The following CAPN9 variants were observed in gnomAD, a reference collection of about 807,000 sequenced individuals.
CAPN9 encodes calpain 9.
CAPN9 carries 81 observed loss-of-function variants against 92.8 expected under a neutral mutation model. That is an observed-to-expected ratio of 0.87 (90% CI 0.73 to 1.05). The LOEUF (loss-of-function observed/expected upper bound fraction) is 1.05, where lower values mean the gene tolerates loss of function less well. Among genes scored for constraint, CAPN9 ranks in the 50% least tolerant of loss-of-function variants. CAPN9 has a pLI of 0.00. For synonymous variants in CAPN9, 304 were observed against 328.0 expected, an observed-to-expected ratio of 0.93 and a Z score of 0.79; for missense variants, 848 against 866.2, an observed-to-expected ratio of 0.98 and a Z score of 0.26.
At chr1:230,782,985 C>T (rs185979456) in intron 11 of CAPN9, among the ~76,000 whole-genome samples, 2 of 152,278 alleles carry the variant, frequency 1.3e-5, no homozygotes, top group African/African-American at 4.8e-5. Context: ...CCATTGCACT[C>T]CAGCCTGTGC....
intron 1 of CAPN9, among the ~76,000 whole-genome samples, chr1:230,748,088 T>C (rs932118089): frequency 8.5e-5 from 13 of 152,188 alleles, no homozygotes; most frequent in Non-Finnish European, 1.6e-4. Context: ...TGCACAGTGT[T>C]CTGTGGCTTC....
intron 12 of CAPN9, among the ~76,000 whole-genome samples, chr1:230,786,740 C>CT (rs1320663269): frequency 6.7e-6 from 1 of 149,586 alleles, no homozygotes; most frequent in Non-Finnish European, 1.5e-5. Flanking sequence ...AAGGCTGCCG[C>CT]TTCTGAAGTG....
intron 19 of CAPN9, 148 bp from the exon 20 acceptor site, chr1:230,801,422 C>G: frequency 1.3e-6 from 1 of 780,234 alleles, no homozygotes. Context: ...TAAATGGTTT[C>G]CTGCTGAGAC....
At chr1:230,757,751 A>T (rs1665344350) in intron 2 of CAPN9, among the ~76,000 whole-genome samples, 1 of 148,972 alleles carries the variant, frequency 6.7e-6, no homozygotes, top group Admixed American at 6.7e-5. Flanking sequence ...ACACACTTGG[A>T]ACAGCATCAA....
rs192605803 is a variant in CAPN9, at chr1:230,798,095, G to A, written c.1988-67G>A. 74 of 1,213,438 alleles carry A rather than the reference G, an allele frequency of 6.1e-5. No homozygotes were observed. The East Asian group carries it at 6.8e-4, about 11-fold the overall frequency. 75.2% of individuals were successfully genotyped at this position (1,213,438 alleles called of 1,614,324 possible). On this transcript the variant is annotated intron_variant, in intron 18 of 19. Transcript: ENST00000271971. Reference sequence around the variant, plus strand: ...GGCTCCACTGGAAGGCCCTTTGGTCGCTGGGAAACAAACTTGGTAAAGGAA... The same window carrying A: ...GGCTCCACTGGAAGGCCCTTTGGTCACTGGGAAACAAACTTGGTAAAGGAA...
intron 18 of CAPN9, among the ~76,000 whole-genome samples, chr1:230,797,732 T>C (rs1402171679): frequency 6.6e-6 from 1 of 152,202 alleles, no homozygotes; most frequent in East Asian, 1.9e-4. Flanking sequence ...CACGCTCTCC[T>C]GTGCCACTCT....
At position 230,801,566 on chromosome 1, in the gene CAPN9, C is replaced by A; in HGVS notation, c.2047-4C>A. ...ACCCCTCATCTCTCTCTCTCTCTTC[C>A]CAGTTCATCCATTTGACAATGAACA... On this transcript the variant is annotated splice_polypyrimidine_tract_variant and splice_region_variant and intron_variant, in intron 19 of 19. Transcript: ENST00000271971. 6.2e-7 allele frequency: 1 copy of A among 1,613,820 alleles called. No homozygotes were observed. Among genetic ancestry groups the A allele is most frequent in the Non-Finnish European group, 8.5e-7 (1 of 1,179,728 alleles).
chr1:230,754,154 G>T (rs1425334217), intron 1 of CAPN9, among the ~76,000 whole-genome samples: 2 of 152,080 alleles, frequency 1.3e-5, no homozygotes, highest in African/African-American at 4.8e-5. Context: ...CGGGGCTTCC[G>T]AGAGCACCGC....
intron 11 of CAPN9, 137 bp from the exon 12 acceptor site, chr1:230,785,844 C>T (rs1201524639): frequency 3.6e-6 from 3 of 821,950 alleles, no homozygotes; most frequent in Non-Finnish European, 6.2e-6. Context: ...TCTGCAAACT[C>T]TGTGAAATGT....
chr1:230,762,997 A>G (rs984066517), intron 4 of CAPN9, among the ~76,000 whole-genome samples: 1 of 152,158 alleles, frequency 6.6e-6, no homozygotes, highest in African/African-American at 2.4e-5. Flanking sequence ...CAGTGGCTAC[A>G]TTCATGACCC....
intron 11 of CAPN9, among the ~76,000 whole-genome samples, chr1:230,785,025 C>A (rs28741100): frequency 6.6e-6 from 1 of 152,206 alleles, no homozygotes; most frequent in Non-Finnish European, 1.5e-5. Context: ...AAGGAGATCA[C>A]TTTGGAGCTT....
chr1:230,752,316 A>C (rs2102829127), intron 1 of CAPN9, among the ~76,000 whole-genome samples: 1 of 152,280 alleles, frequency 6.6e-6, no homozygotes, highest in South Asian at 2.1e-4. Flanking sequence ...GCACGTGTGC[A>C]CACCAATTCC....
intron 18 of CAPN9, 117 bp from the exon 19 acceptor site, chr1:230,798,045 C>A: frequency 1.4e-6 from 1 of 736,426 alleles, no homozygotes; most frequent in Non-Finnish European, 2.4e-6. Context: ...CCTTGTTTAC[C>A]ACCAGATGGA....
Position 230,762,658 on chromosome 1 carries a change from G to A in CAPN9, c.408G>A (p.Trp136Ter). Residue 136 changes from tryptophan (W) to a stop codon, truncating the protein, a stop_gained, in exon 4 of 20, where the codon TGG becomes TGA. Transcript: ENST00000271971. LOFTEE classifies it high-confidence loss of function. ...GYAGIFHFQF[W>*]QHSEWLDVVI... ...GTCTTTTTCCTGGGCAACAGTTCTG[G>A]CAGCACAGTGAGTGGCTGGACGTGG... 1 of 1,613,982 alleles carries A rather than the reference G, an allele frequency of 6.2e-7. No individual in the cohort carries two copies.
intron 2 of CAPN9, among the ~76,000 whole-genome samples, chr1:230,758,385 C>G (rs1326602413): frequency 1.3e-5 from 2 of 152,128 alleles, no homozygotes; most frequent in Admixed American, 1.3e-4. Flanking sequence ...ACAAACGATC[C>G]TGCAGGTTCC....
chr1:230,765,395 AC>A (rs1665922977), intron 4 of CAPN9, among the ~76,000 whole-genome samples: 1 of 152,164 alleles, frequency 6.6e-6, no homozygotes, highest in Non-Finnish European at 1.5e-5. Flanking sequence ...GCAGTGACTC[AC>A]ACCTGTAATC....
chr1:230,775,097 C>G (rs1184749430), intron 8 of CAPN9, among the ~76,000 whole-genome samples: 1 of 152,036 alleles, frequency 6.6e-6, no homozygotes, highest in African/African-American at 2.4e-5. Context: ...TCATATACAC[C>G]CAGATTAGAG....
chr1:230,777,789 C>T (rs552704408), intron 8 of CAPN9, among the ~76,000 whole-genome samples: 6 of 152,212 alleles, frequency 3.9e-5, no homozygotes, highest in East Asian at 1.9e-4. Flanking sequence ...GGGGACCACA[C>T]GCCCTGGTGG....
chr1:230,755,193 C>T (rs998254373), intron 1 of CAPN9, 144 bp from the exon 2 acceptor site: 8 of 646,844 alleles, frequency 1.2e-5, no homozygotes, highest in Admixed American at 3.1e-5. Context: ...CAGCCTTTTA[C>T]ATCCACGTGG....
Sources: gnomAD v4.1 joint callset for allele counts (sites outside exome capture counted in the v4.1 genomes callset) on GRCh38, gnomAD v4.1.1 for gene constraint, MANE v1.5 for transcripts, NCBI Gene and HGNC (gene_info 2026-07-23, HGNC 2026-07-21) for gene names.